The following LRP1B variants were observed in gnomAD, a reference collection of about 807,000 sequenced individuals.
The protein encoded by LRP1B is low-density lipoprotein receptor-related protein 1B.
LRP1B carries 217 observed loss-of-function variants against 556.6 expected under a neutral mutation model. The observed-to-expected ratio is 0.39, with a 90% confidence interval of 0.35 to 0.44. The LOEUF is 0.44. LRP1B is among the 20% of genes least tolerant of loss of function. LRP1B has a pLI of 1.00. For missense variants in LRP1B, 5,053 were observed against 5,620.8 expected, an observed-to-expected ratio of 0.90 and a Z score of 3.23; for synonymous variants, 2,047 against 1,865.8, an observed-to-expected ratio of 1.10 and a Z score of -2.50.
In LRP1B at chr2:141,492,135, C is replaced by T. The variant is rs116729796; in HGVS notation, c.206-11602G>A. 9.2e-3 allele frequency among the ~76,000 whole-genome samples: 1,159 copies of T among 125,646 alleles called. 20 individuals carry two copies. The highest frequency in any genetic ancestry group is 0.033 in the African/African-American group (1,089 of 32,578). The allele number at this position is 125,646 out of a possible 152,430, so 82.4% of individuals were successfully genotyped here. On this transcript the variant is annotated intron_variant, in intron 2 of 90. Transcript: ENST00000389484. Reference sequence around the variant, plus strand: ...TTGATGACTAAGTATAAAAGAAACCCAAACTAGTAAACACAATGTCTCTGT... The same window carrying T: ...TTGATGACTAAGTATAAAAGAAACCTAAACTAGTAAACACAATGTCTCTGT...
chr2:141,207,746 G>A (rs1682347129), intron 6 of LRP1B, among the ~76,000 whole-genome samples: 1 of 152,180 alleles, frequency 6.6e-6, no homozygotes, highest in Non-Finnish European at 1.5e-5. Flanking sequence ...TGCAATCTCA[G>A]CTCACTGCAA....
intron 84 of LRP1B, among the ~76,000 whole-genome samples, chr2:140,293,170 T>A (rs1199813529): frequency 6.6e-6 from 1 of 152,182 alleles, no homozygotes. Context: ...TTTGACTACC[T>A]ATTCCTTAGA....
chr2:140,432,373 T>C (rs982728711), intron 66 of LRP1B, among the ~76,000 whole-genome samples: 1 of 152,198 alleles, frequency 6.6e-6, no homozygotes, highest in Admixed American at 6.5e-5. Context: ...ACAAAGCCTG[T>C]TTGGTGGTCT....
chr2:141,472,719 A>G (rs554348621), intron 3 of LRP1B, among the ~76,000 whole-genome samples: 43 of 152,300 alleles, frequency 2.8e-4, no homozygotes, highest in African/African-American at 9.6e-4. Context: ...CAGATACAGA[A>G]TCTGAAATGA....
chr2:142,008,163 CA>C (rs1246052665), intron 1 of LRP1B, among the ~76,000 whole-genome samples: 1 of 152,176 alleles, frequency 6.6e-6, no homozygotes, highest in Non-Finnish European at 1.5e-5. Flanking sequence ...CCCAAGTGGG[CA>C]CATAGATTTA....
chr2:140,965,658 A>G (rs1410238992), intron 18 of LRP1B, among the ~76,000 whole-genome samples: 1 of 152,048 alleles, frequency 6.6e-6, no homozygotes, highest in Admixed American at 6.5e-5. Context: ...TGCACCCATT[A>G]ACTCGTCATT....
intron 63 of LRP1B, among the ~76,000 whole-genome samples, chr2:140,450,084 C>T (rs55650499): frequency 6.7e-4 from 102 of 152,206 alleles, no homozygotes; most frequent in African/African-American, 2.4e-3. Flanking sequence ...TACCTAATGG[C>T]AATCTAATGA....
At chr2:140,451,219 G>C (rs1386295258) in intron 62 of LRP1B, among the ~76,000 whole-genome samples, 1 of 152,134 alleles carries the variant, frequency 6.6e-6, no homozygotes, top group African/African-American at 2.4e-5. Flanking sequence ...TGGATTACAG[G>C]TGTAAATAAA....
intron 1 of LRP1B, among the ~76,000 whole-genome samples, chr2:141,814,452 C>A (rs1169538354): frequency 6.6e-6 from 1 of 152,070 alleles, no homozygotes; most frequent in Non-Finnish European, 1.5e-5. Context: ...ATATATACTG[C>A]AGTGAAGTGA....
At chr2:140,626,733 A>C (rs1218155193) in intron 41 of LRP1B, among the ~76,000 whole-genome samples, 1 of 151,060 alleles carries the variant, frequency 6.6e-6, no homozygotes, top group Non-Finnish European at 1.5e-5. Context: ...AATAAGGATC[A>C]TCCAAAGGTA....
chr2:141,156,355 G>A (rs950668222), intron 7 of LRP1B, among the ~76,000 whole-genome samples: 7 of 152,084 alleles, frequency 4.6e-5, no homozygotes, highest in Admixed American at 1.3e-4. Flanking sequence ...CTGGCCAGGC[G>A]CATTAGCTCT....
chr2:141,207,107 C>T (rs1222564236), intron 6 of LRP1B, among the ~76,000 whole-genome samples: 2 of 152,092 alleles, frequency 1.3e-5, no homozygotes, highest in African/African-American at 2.4e-5. Flanking sequence ...AATTTTATGT[C>T]GTTCTGGGTG....
At chr2:140,673,673 A>G (rs763796974) in intron 41 of LRP1B, among the ~76,000 whole-genome samples, 21 of 152,218 alleles carry the variant, frequency 1.4e-4, no homozygotes, top group Non-Finnish European at 2.9e-4. Flanking sequence ...AACAAAAAAT[A>G]AGATTCTAAG....
intron 1 of LRP1B, among the ~76,000 whole-genome samples, chr2:141,980,270 T>C (rs1213189991): frequency 3.3e-5 from 5 of 152,072 alleles, no homozygotes; most frequent in Admixed American, 2.6e-4. Flanking sequence ...AGGAATAACA[T>C]GAACAGTTCC....
chr2:141,067,106 C>A (rs1460706610), intron 7 of LRP1B, among the ~76,000 whole-genome samples: 1 of 151,736 alleles, frequency 6.6e-6, no homozygotes, highest in Non-Finnish European at 1.5e-5. Flanking sequence ...AGTAACATAA[C>A]CTCATTTTTT....
intron 41 of LRP1B, among the ~76,000 whole-genome samples, chr2:140,650,170 T>A (rs554961220): frequency 2.0e-5 from 3 of 152,016 alleles, no homozygotes; most frequent in African/African-American, 4.8e-5. Flanking sequence ...TTTAAAAAAA[T>A]TTAATTTCTA....
At chr2:141,453,095 G>A (rs1032221228) in intron 3 of LRP1B, among the ~76,000 whole-genome samples, 1 of 152,148 alleles carries the variant, frequency 6.6e-6, no homozygotes, top group Non-Finnish European at 1.5e-5. Context: ...AAATTAGCCA[G>A]ATGTGGTGGT....
intron 76 of LRP1B, among the ~76,000 whole-genome samples, chr2:140,351,768 TA>T (rs1681972441): frequency 6.6e-6 from 1 of 152,110 alleles, no homozygotes; most frequent in Non-Finnish European, 1.5e-5. Flanking sequence ...ATAATAATAA[TA>T]ATACCTCATG....
chr2:141,994,023 TTGTTA>T (rs1403566028), intron 1 of LRP1B, among the ~76,000 whole-genome samples: 1 of 152,178 alleles, frequency 6.6e-6, no homozygotes, highest in Non-Finnish European at 1.5e-5. Context: ...GACAACTGAT[TTGTTA>T]TAAGTCAAGA....
Sources: allele counts gnomAD v4.1 joint callset (sites outside exome capture counted in the v4.1 genomes callset), GRCh38; gene constraint gnomAD v4.1.1; transcripts MANE v1.5; gene names NCBI Gene and HGNC (gene_info 2026-07-23, HGNC 2026-07-21).